KLF10: variants seen among roughly 807,000 people sequenced by gnomAD.
The protein encoded by KLF10 is KLF transcription factor 10.
In KLF10, 17 loss-of-function variants were observed where a neutral mutation model predicts 31.6. The observed-to-expected ratio is 0.54, with a 90% CI of 0.37 to 0.81. KLF10 has a LOEUF of 0.81. Among genes scored for constraint, KLF10 ranks in the 30% least tolerant of loss-of-function variants. The pLI is 0.00. For missense variants in KLF10, 525 were observed against 598.1 expected (o/e 0.88, Z 1.27); for synonymous variants, 239 against 215.1 (o/e 1.11, Z -0.97).
chr8:102,655,492 C>A, intron 1 of KLF10, 74 bp downstream of exon 1: 1 of 1,579,652 alleles, frequency 6.3e-7, no homozygotes, highest in South Asian at 1.1e-5. Context: ...GTCCGGGGCT[C>A]GGGGTTCGCG....
rs1827222513 is a variant in KLF10, at chr8:102,651,893, G to A, written c.439C>T (p.Leu147Phe). Reference protein sequence around the residue: ...EEKSPVSAPKLPKAQATSVIR... With the variant: ...EEKSPVSAPKFPKAQATSVIR... ...ACACTTGTTGCCTGAGCTTTGGGGA[G>A]TTTGGGGGCAGATACTGGGCTCTTT... The change falls in exon 3 of 4, where the codon CTC (leucine) becomes TTC (phenylalanine). Residue 147 changes from leucine to phenylalanine, a missense_variant. Physicochemically the swap from Leu to Phe is conservative, Grantham distance 22 (BLOSUM62 0). Transcript: ENST00000285407. 1.9e-6 allele frequency: 3 copies of A among 1,614,054 alleles called. No homozygotes were observed. The highest frequency in any genetic ancestry group is 2.5e-6 in the Non-Finnish European group (3 of 1,180,038).
chr8:102,652,023 G>C lies in KLF10; in HGVS notation c.309C>G (p.Pro103=). ...TPPYSPSDFE[P]SQVSNLMAPA... ...GTGCCATCAGATTTGACACTTGAGA[G>C]GGTTCAAAGTCAGAAGGACTGTAAG... Residue 103 remains proline (P), a synonymous_variant, in exon 3 of 4, where the codon CCC becomes CCG. Coordinates refer to ENST00000285407, the MANE Select transcript of KLF10 (RefSeq NM_005655.4). 1 of 1,612,210 alleles carries C rather than the reference G, an allele frequency of 6.2e-7. No individual in the cohort carries two copies.
chr8:102,651,278 G>T lies in KLF10; in HGVS notation c.1054C>A (p.Pro352Thr), dbSNP rs1353347706. 1 of 1,607,844 alleles carries T rather than the reference G, an allele frequency of 6.2e-7. No individual in the cohort carries two copies. The highest frequency in any genetic ancestry group is 8.5e-7 in the Non-Finnish European group (1 of 1,177,034). The change falls in exon 3 of 4, where the codon CCT becomes ACT. Residue 352 changes from proline to threonine, a missense_variant. By Grantham distance (38) the Pro-to-Thr change is conservative. This residue lies in a region of KLF10 where 434 missense variants were observed against 450.7 expected (regional missense o/e 0.96). Coordinates refer to ENST00000285407, the MANE Select transcript of KLF10 (RefSeq NM_005655.4). ...SPIAPAPGFSPSAAKVTPQID... is the reference protein window; with the variant it reads ...SPIAPAPGFSTSAAKVTPQID... ...TGAGGAGTGACTTTTGCTGCTGAAGGGGAAAACCCAGGAGCAGGGGCAATG... is the reference window on the plus strand; with the variant it reads ...TGAGGAGTGACTTTTGCTGCTGAAGTGGAAAACCCAGGAGCAGGGGCAATG...
At chr8:102,654,236 G>C (rs2131084227) in intron 1 of KLF10, 2 of 147,218 alleles carry the variant, frequency 1.4e-5, no homozygotes, top group Admixed American at 1.3e-4. Context: ...GCCCGACCCG[G>C]GGGAGGGGCC....
intron 1 of KLF10, 56 bp downstream of exon 1, chr8:102,655,510 T>C: frequency 6.2e-7 from 1 of 1,609,044 alleles, no homozygotes; most frequent in South Asian, 1.1e-5. Context: ...GCGCCCCCTT[T>C]GGCCCCCCAG....
intron 1 of KLF10, chr8:102,653,964 T>G (rs918142196): frequency 3.0e-6 from 3 of 985,470 alleles, no homozygotes; most frequent in Non-Finnish European, 2.4e-6. Flanking sequence ...CTAACCTCAA[T>G]GAGGCTCACG....
At chr8:102,652,452 ACACAG>A in intron 1 of KLF10, 55 bp from the exon 2 acceptor site, 5 of 1,053,362 alleles carry the variant, frequency 4.7e-6, no homozygotes, top group Non-Finnish European at 6.7e-6. Flanking sequence ...TCCAAATGAC[ACACAG>A]AAAAATGAGC....
In KLF10 at chr8:102,651,969, T is replaced by G; in HGVS notation, c.363A>C (p.Ser121=). 6.2e-7 allele frequency: 1 copy of G among 1,613,904 alleles called. No individual in the cohort carries two copies. The highest frequency in any genetic ancestry group is 8.5e-7 in the Non-Finnish European group (1 of 1,180,000). ...APAPSTVHFK[S]LSDTAKPHIA... Reference sequence around the variant, plus strand: ...TGTGAGGTTTGGCAGTATCTGAGAGTGACTTGAAGTGTACAGTAGATGGCG... The same window carrying G: ...TGTGAGGTTTGGCAGTATCTGAGAGGGACTTGAAGTGTACAGTAGATGGCG... Residue 121 remains serine (S), a synonymous_variant, in exon 3 of 4, where the codon TCA becomes TCC. Coordinates refer to ENST00000285407, the MANE Select transcript of KLF10 (RefSeq NM_005655.4).
rs758024373 is a variant in KLF10 at position 102,652,320 on chromosome 8, A to G, written c.114T>C (p.Asp38=). Residue 38 remains aspartate, a synonymous_variant, in exon 2 of 4, where the codon GAT becomes GAC. Coordinates refer to ENST00000285407, the MANE Select transcript of KLF10 (RefSeq NM_005655.4). ...ACATAAGTGCTTCTACAGCTTCAAA[A>G]TCACTTTTCTCTGCAGTTTTGTTCC... ...YSWNKTAEKS[D]FEAVEALMSM... The G allele has an allele frequency of 6.2e-7, 1 of 1,612,716 alleles. No homozygotes were observed. Among genetic ancestry groups the G allele is most frequent in the Non-Finnish European group, 8.5e-7 (1 of 1,179,164 alleles).
In KLF10 at chr8:102,653,553, T is replaced by C. The variant is rs1394151412; in HGVS notation, c.37-1156A>G. 8 of 1,483,198 alleles carry C rather than the reference T, an allele frequency of 5.4e-6. No individual in the cohort carries two copies. In the African/African-American group the frequency reaches 7.2e-5, roughly 13 times the overall value. 91.9% of individuals were successfully genotyped at this position (1,483,198 alleles called of 1,614,324 possible). On this transcript the variant is annotated intron_variant, in intron 1 of 3. Coordinates refer to ENST00000285407, the MANE Select transcript of KLF10 (RefSeq NM_005655.4). ...ATTGTGTAAAAATACCAAAAAACAT[T>C]CTTTACGTTGCAAGGTATTATTCTC...
In KLF10 at chr8:102,650,184, A is replaced by G; in HGVS notation, c.1391T>C (p.Val464Ala). The change falls in exon 4 of 4, where the codon GTG (valine) becomes GCG (alanine). Residue 464 changes from valine to alanine, a missense_variant. By Grantham distance (64) the Val-to-Ala change is moderately conservative (BLOSUM62 0). Transcript: ENST00000285407. The part of the protein sequence containing the change: ...AKKLPNWQME[V>A]SKLNDIALPP... ...TAGAGCAATGTCATTTAGCTTGCTC[A>G]CTTCCATCTGCCAGTTTGGTAGCTT... The G allele has an allele frequency of 6.2e-7, 1 of 1,614,250 alleles. No homozygotes were observed. Among genetic ancestry groups the G allele is most frequent in the Non-Finnish European group, 8.5e-7 (1 of 1,180,048 alleles).
chr8:102,655,031 TTC>T (rs1023729592), intron 1 of KLF10, among the ~76,000 whole-genome samples: 1 of 150,652 alleles, frequency 6.6e-6, no homozygotes, highest in African/African-American at 2.5e-5. Context: ...CAAGCGTGGG[TTC>T]AGACCCCCAG....
At chr8:102,653,652 A>G in intron 1 of KLF10, 16 of 1,319,950 alleles carry the variant, frequency 1.2e-5, no homozygotes, top group Non-Finnish European at 1.5e-5. Context: ...CTCTTGAAAT[A>G]TCGCTAACAA....
intron 1 of KLF10, chr8:102,653,486 C>T (rs1264315676): frequency 1.3e-6 from 2 of 1,547,386 alleles, no homozygotes; most frequent in Admixed American, 2.1e-5. Flanking sequence ...TCCTATTTTC[C>T]ATTAAAAGAA....
At position 102,650,402 on chromosome 8, in the gene KLF10, G is replaced by A. The variant is rs756819504; in HGVS notation, c.1184-11C>T. 1.3e-5 allele frequency: 21 copies of A among 1,609,128 alleles called. No individual in the cohort carries two copies. Among genetic ancestry groups the A allele is most frequent in the Admixed American group, 1.7e-5 (1 of 59,780 alleles). ...TGAAAGGCTTTTCTCCTAAAACAAA[G>A]ACATACAAATCATTATTATGCATAA... On this transcript the variant is annotated splice_polypyrimidine_tract_variant and intron_variant, in intron 3 of 3. Transcript: ENST00000285407.
chr8:102,654,774 C>G (rs1827320403), intron 1 of KLF10, among the ~76,000 whole-genome samples: 1 of 152,082 alleles, frequency 6.6e-6, no homozygotes, highest in South Asian at 2.1e-4. Context: ...GCTCCCCCCG[C>G]CCACCTTCCC....
rs745923868 is a variant in KLF10 at position 102,651,793 on chromosome 8, T to G, written c.539A>C (p.Tyr180Ser). The change falls in exon 3 of 4, where the codon TAT becomes TCT. Residue 180 changes from tyrosine to serine, a missense_variant. Tyr to Ser is a moderately radical substitution (Grantham distance 144). Coordinates refer to ENST00000285407, the MANE Select transcript of KLF10 (RefSeq NM_005655.4). ...TCTTCTTCTAAAAGAATTGTTCTGA[T>G]AGTTGAGGATGCTGGCTGCTTTCAT... ...CPMKAASILN[Y>S]QNNSFRRRTH... 2.5e-6 allele frequency: 4 copies of G among 1,614,092 alleles called. No homozygotes were observed. In the East Asian group the frequency reaches 8.9e-5, roughly 36 times the overall value.
intron 3 of KLF10, among the ~76,000 whole-genome samples, 162 bp from the exon 4 acceptor site, chr8:102,650,553 G>A (rs1214773085): frequency 1.3e-5 from 2 of 152,172 alleles, no homozygotes; most frequent in Non-Finnish European, 2.9e-5. Flanking sequence ...ATTTCAACTT[G>A]TCACTTGATC....
rs746370279 is a variant in KLF10 at position 102,651,444 on chromosome 8, G to A, written c.888C>T (p.Ser296=). The change falls in exon 3 of 4, where the codon AGC becomes AGT. Residue 296 remains serine (S), a synonymous_variant. Transcript: ENST00000285407. ...CAGGGGGGCAAACGGCTGGTGGCTGGCTGGGAGGAGTGCTGGGAACGACTG... is the reference window on the plus strand; with the variant it reads ...CAGGGGGGCAAACGGCTGGTGGCTGACTGGGAGGAGTGCTGGGAACGACTG... ...VTTVVPSTPP[S]QPPAVCPPVV... 1.2e-6 allele frequency: 2 copies of A among 1,613,864 alleles called. No individual in the cohort carries two copies. The highest frequency in any genetic ancestry group is 2.2e-5 in the East Asian group (1 of 44,892).
Sources: allele counts gnomAD v4.1 joint callset (sites outside exome capture counted in the v4.1 genomes callset), GRCh38; gene constraint gnomAD v4.1.1; regional missense constraint gnomAD v4.1.1; transcripts MANE v1.5; gene names NCBI Gene and HGNC (gene_info 2026-07-23, HGNC 2026-07-21).